Variants in RBFOX1 observed in about 807,000 individuals in gnomAD.
RBFOX1 encodes RNA binding protein fox-1 homolog 1.
RBFOX1 carries 8 observed loss-of-function variants against 57.7 expected under a neutral mutation model. The ratio of observed to expected loss-of-function variants is 0.14; its 90% CI spans 0.08 to 0.25. RBFOX1 has a LOEUF of 0.25. Among genes scored for constraint, RBFOX1 ranks in the 10% least tolerant of loss-of-function variants. The probability of loss-of-function intolerance (pLI) is 1.00; values close to 1 mark genes in which losing one functional copy is unlikely to be tolerated. For synonymous variants in RBFOX1, 326 were observed against 222.4 expected, an observed-to-expected ratio of 1.47 and a Z score of -4.15; for missense variants, 611 against 548.5, an observed-to-expected ratio of 1.11 and a Z score of -1.14.
chr16:5,749,165 A>G (rs1191906681), intron 3 of RBFOX1, among the ~76,000 whole-genome samples: 1 of 152,074 alleles, frequency 6.6e-6, no homozygotes, highest in Non-Finnish European at 1.5e-5. Flanking sequence ...TCTGGGTTGA[A>G]AATTCTTTAA....
At chr16:7,501,524 TC>T (rs1451060779) in intron 4 of RBFOX1, among the ~76,000 whole-genome samples, 1 of 152,202 alleles carries the variant, frequency 6.6e-6, no homozygotes, top group Non-Finnish European at 1.5e-5. Context: ...AGCTTTACAA[TC>T]CAGTAGCCTC....
intron 4 of RBFOX1, among the ~76,000 whole-genome samples, chr16:7,240,640 G>C (rs764009196): frequency 3.3e-5 from 5 of 152,144 alleles, no homozygotes; most frequent in Non-Finnish European, 5.9e-5. Flanking sequence ...CTGCAGCCTT[G>C]ACCTTCTGGG....
intron 4 of RBFOX1, among the ~76,000 whole-genome samples, chr16:7,310,946 C>G (rs2096292598): frequency 6.6e-6 from 1 of 152,200 alleles, no homozygotes; most frequent in Admixed American, 6.5e-5. Context: ...CAGTACAACG[C>G]TTTGGAAAAC....
intron 3 of RBFOX1, among the ~76,000 whole-genome samples, chr16:6,934,536 A>G (rs957825868): frequency 1.3e-5 from 2 of 152,132 alleles, no homozygotes; most frequent in Non-Finnish European, 2.9e-5. Context: ...GTGGAGTACT[A>G]TTTGGACATA....
chr16:7,007,906 A>G (rs1175749120), intron 3 of RBFOX1, among the ~76,000 whole-genome samples: 2 of 152,210 alleles, frequency 1.3e-5, no homozygotes, highest in Non-Finnish European at 2.9e-5. Context: ...TGTCTCCTCA[A>G]GCTTGCTAGC....
chr16:6,665,072 G>C (rs2098723430), intron 3 of RBFOX1, among the ~76,000 whole-genome samples: 1 of 152,158 alleles, frequency 6.6e-6, no homozygotes, highest in Non-Finnish European at 1.5e-5. Context: ...GAGTAAAGTG[G>C]GACTGTCTTC....
At chr16:5,696,906 A>G in intron 3 of RBFOX1, among the ~76,000 whole-genome samples, 1 of 151,950 alleles carries the variant, frequency 6.6e-6, no homozygotes, top group East Asian at 1.9e-4. Context: ...AGAGACATAT[A>G]TGTTTTTGTT....
intron 3 of RBFOX1, among the ~76,000 whole-genome samples, chr16:6,962,960 A>G (rs929843628): frequency 4.6e-5 from 7 of 152,170 alleles, no homozygotes; most frequent in African/African-American, 1.4e-4. Context: ...TTGATCGCTC[A>G]GCAGTTTGCA....
intron 4 of RBFOX1, among the ~76,000 whole-genome samples, chr16:5,951,271 A>G (rs146348980): frequency 6.6e-6 from 1 of 152,098 alleles, no homozygotes; most frequent in Admixed American, 6.5e-5. Flanking sequence ...AACATGATGA[A>G]ACCCTGTCTT....
chr16:6,457,235 G>T (rs1171969190), intron 2 of RBFOX1, among the ~76,000 whole-genome samples: 2 of 152,186 alleles, frequency 1.3e-5, no homozygotes, highest in Admixed American at 1.3e-4. Flanking sequence ...CAGAAAATCA[G>T]CAGGAAATAG....
intron 2 of RBFOX1, among the ~76,000 whole-genome samples, chr16:6,565,850 C>T (rs891707982): frequency 6.6e-6 from 1 of 152,228 alleles, no homozygotes; most frequent in Non-Finnish European, 1.5e-5. Flanking sequence ...GGCTATCAAT[C>T]AGGGTAAGAC....
chr16:7,066,106 T>A (rs965731442), intron 4 of RBFOX1, among the ~76,000 whole-genome samples: 2 of 152,216 alleles, frequency 1.3e-5, no homozygotes, highest in Non-Finnish European at 2.9e-5. Context: ...TGCATGAGAA[T>A]CTTAAAGCCT....
At chr16:7,492,795 T>C (rs939382899) in intron 4 of RBFOX1, among the ~76,000 whole-genome samples, 4 of 152,266 alleles carry the variant, frequency 2.6e-5, no homozygotes, top group Middle Eastern at 6.8e-3. Context: ...ACTCTCACCA[T>C]GTGACATGCC....
intron 3 of RBFOX1, among the ~76,000 whole-genome samples, chr16:6,801,733 TTA>T (rs2085508423): frequency 6.6e-6 from 1 of 152,090 alleles, no homozygotes; most frequent in Non-Finnish European, 1.5e-5. Flanking sequence ...AAGAGAGTTT[TTA>T]TTTCTGTAAC....
At chr16:5,732,579 A>G (rs561835017) in intron 3 of RBFOX1, among the ~76,000 whole-genome samples, 1 of 152,338 alleles carries the variant, frequency 6.6e-6, no homozygotes, top group East Asian at 1.9e-4. Flanking sequence ...CTAGCTGTCT[A>G]TGGCTTTAGG....
chr16:7,364,063 C>T (rs755013892), intron 4 of RBFOX1, among the ~76,000 whole-genome samples: 1 of 152,126 alleles, frequency 6.6e-6, no homozygotes, highest in Non-Finnish European at 1.5e-5. Flanking sequence ...TTTGGGACTC[C>T]CAAGTCCTAT....
At chr16:6,979,282 G>T (rs2087981095) in intron 3 of RBFOX1, among the ~76,000 whole-genome samples, 1 of 152,152 alleles carries the variant, frequency 6.6e-6, no homozygotes, top group Non-Finnish European at 1.5e-5. Context: ...AGGATTCTAT[G>T]GGGTCCTGTC....
At chr16:7,033,381 G>GCC (rs2153694902) in intron 3 of RBFOX1, among the ~76,000 whole-genome samples, 2 of 152,274 alleles carry the variant, frequency 1.3e-5, no homozygotes, top group Admixed American at 1.3e-4. Flanking sequence ...TTAGCCAGAT[G>GCC]TGATGGCACA....
At chr16:6,836,830 T>C (rs1300155299) in intron 3 of RBFOX1, among the ~76,000 whole-genome samples, 1 of 152,176 alleles carries the variant, frequency 6.6e-6, no homozygotes, top group Non-Finnish European at 1.5e-5. Flanking sequence ...CAAGTAAATA[T>C]TATGTGTGAG....
Sources: allele counts gnomAD v4.1 joint callset (sites outside exome capture counted in the v4.1 genomes callset), GRCh38; gene constraint gnomAD v4.1.1; transcripts MANE v1.5; gene names NCBI Gene and HGNC (gene_info 2026-07-23, HGNC 2026-07-21).